SRM: variants seen among roughly 807,000 people sequenced by gnomAD.
SRM encodes spermidine synthase, also known as putrescine aminopropyltransferase.
In SRM, 14 loss-of-function variants were observed where a neutral mutation model predicts 39.3. The observed-to-expected ratio is 0.36, with a 90% CI of 0.24 to 0.56. The LOEUF (loss-of-function observed/expected upper bound fraction) is 0.56. SRM is among the 20% of genes least tolerant of loss of function. The pLI is 0.86. For missense variants in SRM, 244 were observed against 409.2 expected (o/e 0.60, Z 3.48); for synonymous variants, 195 against 173.1 (o/e 1.13, Z -0.99).
Position 11,054,999 on chromosome 1 carries a change from T to C in SRM, c.851A>G (p.His284Arg). 1 of 1,612,500 alleles carries C rather than the reference T, an allele frequency of 6.2e-7. No individual in the cohort carries two copies. The highest frequency in any genetic ancestry group is 8.5e-7 in the Non-Finnish European group (1 of 1,179,896). ...CTCGGGCAGCACAAAGGCGGCGCGG[T>C]GCACGTCGGAGTTGTAGTACTTCAG... ...MQLKYYNSDV[H>R]RAAFVLPEFA... The change falls in exon 7 of 8, where the codon CAC (histidine) becomes CGC (arginine). Residue 284 changes from histidine to arginine, a missense_variant. His to Arg is a conservative substitution (Grantham distance 29). Transcript: ENST00000376957. This position sits in a 1 kb window ranked among gnomAD's most constrained non-coding sequence, Gnocchi z 4.8.
At chr1:11,056,225 C>T (rs1638876313) in intron 4 of SRM, 131 bp from the exon 5 acceptor site, 1 of 860,782 alleles carries the variant, frequency 1.2e-6, no homozygotes, top group Admixed American at 2.9e-5. Flanking sequence ...CACCTGAATC[C>T]CATTCTTGGG....
chr1:11,059,661 C>G, intron 1 of SRM, 116 bp downstream of exon 1: 2 of 1,248,348 alleles, frequency 1.6e-6, no homozygotes, highest in East Asian at 5.2e-5. Context: ...GGCGAGGGGG[C>G]CAGGGCAGGA....
intron 3 of SRM, among the ~76,000 whole-genome samples, chr1:11,058,289 G>T (rs1414925261): frequency 6.6e-6 from 1 of 152,080 alleles, no homozygotes; most frequent in African/African-American, 2.4e-5. Flanking sequence ...GGCTGGGCGT[G>T]GTGGCTCACG....
rs766391876 is a variant in SRM, at chr1:11,055,950, T to A, written c.620-24A>T. On this transcript the variant is annotated intron_variant, in intron 5 of 7. Coordinates refer to ENST00000376957, the MANE Select transcript of SRM (RefSeq NM_003132.3). ...GCCTGGGGGCCCCTAAGCATCAGCATCCGGCAGGGCCTGCCCTGCCCCACC... is the reference window on the plus strand; with the variant it reads ...GCCTGGGGGCCCCTAAGCATCAGCAACCGGCAGGGCCTGCCCTGCCCCACC... The A allele has an allele frequency of 5.7e-6, 9 of 1,589,968 alleles. No homozygotes were observed. The African/African-American group carries it at 9.4e-5, about 17-fold the overall frequency.
intron 3 of SRM, among the ~76,000 whole-genome samples, chr1:11,057,329 T>G (rs1209970251): frequency 6.6e-6 from 1 of 151,620 alleles, no homozygotes; most frequent in Non-Finnish European, 1.5e-5. Flanking sequence ...TCCTATTTTA[T>G]TTATTTTTCG....
Position 11,056,108 on chromosome 1 carries a change from A to C in SRM, c.536-14T>G. 1 of 1,599,186 alleles carries C rather than the reference A, an allele frequency of 6.3e-7. No homozygotes were observed. The highest frequency in any genetic ancestry group is 1.1e-5 in the South Asian group (1 of 88,124). Reference sequence around the variant, plus strand: ...TTTCGGCGGGGCCTGGGGAAGACAGAGGGAGACACACTGAACAGTCTGGCT... The same window carrying C: ...TTTCGGCGGGGCCTGGGGAAGACAGCGGGAGACACACTGAACAGTCTGGCT... On this transcript the variant is annotated splice_polypyrimidine_tract_variant and intron_variant, in intron 4 of 7. Transcript: ENST00000376957.
intron 6 of SRM, 92 bp from the exon 7 acceptor site, chr1:11,055,176 G>T (rs1442261946): frequency 1.4e-6 from 2 of 1,471,954 alleles, no homozygotes; most frequent in African/African-American, 2.9e-5. Flanking sequence ...GGAGTGCAGT[G>T]GCGTCATCTC....
chr1:11,055,801 T>C lies in SRM; in HGVS notation c.745A>G (p.Met249Val). ...PTYPSGQIGF[M>V]LCSKNPSTNF... Reference sequence around the variant, plus strand: ...CTCACCGGGTTCTTGCTGCACAGCATGAAGCCGATCTGGCCGCTGGGGTAG... The same window carrying C: ...CTCACCGGGTTCTTGCTGCACAGCACGAAGCCGATCTGGCCGCTGGGGTAG... The change falls in exon 6 of 8, where the codon ATG becomes GTG. Residue 249 changes from methionine (M) to valine (V), a missense_variant. Coordinates refer to ENST00000376957, the MANE Select transcript of SRM (RefSeq NM_003132.3). 1 of 1,379,566 alleles carries C rather than the reference T, an allele frequency of 7.2e-7. No homozygotes were observed. Among genetic ancestry groups the C allele is most frequent in the Non-Finnish European group, 9.7e-7 (1 of 1,034,388 alleles). The allele number at this position is 1,379,566 out of a possible 1,614,324, so 85.5% of individuals were successfully genotyped here.
chr1:11,055,943 A>G lies in SRM; in HGVS notation c.620-17T>C. The stretch of plus-strand genomic sequence containing the variant: ...GGCACTCGCCTGGGGGCCCCTAAGC[A>G]TCAGCATCCGGCAGGGCCTGCCCTG... On this transcript the variant is annotated splice_polypyrimidine_tract_variant and intron_variant, in intron 5 of 7. Coordinates refer to ENST00000376957, the MANE Select transcript of SRM (RefSeq NM_003132.3). The G allele has an allele frequency of 1.3e-6, 2 of 1,592,582 alleles. No homozygotes were observed. Among genetic ancestry groups the G allele is most frequent in the Non-Finnish European group, 1.7e-6 (2 of 1,167,074 alleles).
chr1:11,055,141 G>A, intron 6 of SRM, 57 bp from the exon 7 acceptor site: 1 of 1,428,908 alleles, frequency 7.0e-7, no homozygotes, highest in South Asian at 1.4e-5. Flanking sequence ...TTTTTTTTGA[G>A]ACGGAGTCTC....
intron 2 of SRM, 109 bp from the exon 3 acceptor site, chr1:11,059,001 C>T: frequency 7.7e-7 from 1 of 1,301,922 alleles, no homozygotes; most frequent in Non-Finnish European, 1.1e-6. Context: ...TCTTTTTCTA[C>T]CCTCGGAAAC....
intron 1 of SRM, chr1:11,059,573 G>A: frequency 5.5e-6 from 5 of 907,424 alleles, no homozygotes; most frequent in Non-Finnish European, 8.1e-6. Flanking sequence ...ACGTGGAGCG[G>A]GGCGCAGACT....
At chr1:11,056,807 G>A (rs745621995) in intron 3 of SRM, 50 bp from the exon 4 acceptor site, 7 of 1,605,660 alleles carry the variant, frequency 4.4e-6, no homozygotes, top group Non-Finnish European at 6.0e-6. Flanking sequence ...GGGGGACCTG[G>A]AGCCAGCACA....
In SRM at chr1:11,056,467, T is replaced by A. The variant is rs1324115762; in HGVS notation, c.535+137A>T. 1.2e-5 allele frequency: 13 copies of A among 1,106,374 alleles called. No individual in the cohort carries two copies. The African/African-American group carries it at 1.3e-4, about 11-fold the overall frequency. 68.5% of individuals were successfully genotyped at this position (1,106,374 alleles called of 1,614,324 possible). The stretch of plus-strand genomic sequence containing the variant: ...CCTGAGCCATGTTTCAGAGGGCAGG[T>A]AACAAATGAGAAGGGAAAAGTACAG... On this transcript the variant is annotated intron_variant, in intron 4 of 7. Coordinates refer to ENST00000376957, the MANE Select transcript of SRM (RefSeq NM_003132.3).
At position 11,059,861 on chromosome 1, in the gene SRM, C is replaced by T; in HGVS notation, c.83G>A (p.Trp28Ter). 6.4e-7 allele frequency: 1 copy of T among 1,554,774 alleles called. No homozygotes were observed. The highest frequency in any genetic ancestry group is 8.6e-7 in the Non-Finnish European group (1 of 1,160,956). The change falls in exon 1 of 8, where the codon TGG (tryptophan) becomes TAG (stop). Residue 28 changes from tryptophan to a stop codon, truncating the protein, a stop_gained. Transcript: ENST00000376957. LOFTEE classifies it high-confidence loss of function. Reference protein sequence around the residue: ...EGWFRETCSLWPGQALSLQVE... With the variant: ...EGWFRETCSL Reference sequence around the variant, plus strand: ...CTGCAGTGACAGGGCCTGGCCGGGCCACAGGCTGCAGGTCTCGCGGAACCA... The same window carrying T: ...CTGCAGTGACAGGGCCTGGCCGGGCTACAGGCTGCAGGTCTCGCGGAACCA...
Position 11,056,096 on chromosome 1 carries a change from T to G in SRM, c.536-2A>C. 6.2e-7 allele frequency: 1 copy of G among 1,607,550 alleles called. No individual in the cohort carries two copies. The highest frequency in any genetic ancestry group is 8.5e-7 in the Non-Finnish European group (1 of 1,176,708). On this transcript the variant is annotated splice_acceptor_variant, in intron 4 of 7. Transcript: ENST00000376957. LOFTEE classifies it high-confidence loss of function. ...CCTTGAAGAGACTTTCGGCGGGGCC[T>G]GGGGAAGACAGAGGGAGACACACTG...
chr1:11,058,065 C>A (rs1638910881), intron 3 of SRM, among the ~76,000 whole-genome samples: 1 of 152,132 alleles, frequency 6.6e-6, no homozygotes, highest in Admixed American at 6.5e-5. Flanking sequence ...AGGTGTGAGC[C>A]ACCACGTCTG....
chr1:11,056,177 C>G, intron 4 of SRM, 83 bp from the exon 5 acceptor site: 2 of 1,328,618 alleles, frequency 1.5e-6, no homozygotes, highest in Non-Finnish European at 2.0e-6. Flanking sequence ...ACCAGGTGGC[C>G]AGAGCCAGGA....
Position 11,059,818 on chromosome 1 carries a change from G to T in SRM, c.126C>A (p.His42Gln). The T allele has an allele frequency of 6.3e-7, 1 of 1,576,952 alleles. No individual in the cohort carries two copies. Among genetic ancestry groups the T allele is most frequent in the Non-Finnish European group, 8.5e-7 (1 of 1,171,272 alleles). The stretch of plus-strand genomic sequence containing the variant: ...TGTCCTGGTAGCGCGAGCGCCGGTG[G>T]TGGAGCAGCTGCTCCACCTGCAGTG... ...ALSLQVEQLL[H>Q]HRRSRYQDIL... The change falls in exon 1 of 8, where the codon CAC becomes CAA. Residue 42 changes from histidine (H) to glutamine (Q), a missense_variant. Transcript: ENST00000376957.
Sources: allele counts gnomAD v4.1 joint callset (sites outside exome capture counted in the v4.1 genomes callset), GRCh38; gene constraint gnomAD v4.1.1; non-coding constraint Gnocchi (gnomAD v3.1); transcripts MANE v1.5; gene names NCBI Gene and HGNC (gene_info 2026-07-23, HGNC 2026-07-21).